Variants in PML observed in about 807,000 individuals in gnomAD.
PML encodes PML nuclear body scaffold.
In PML, 28 loss-of-function variants were observed where a neutral mutation model predicts 65.2. The ratio of observed to expected loss-of-function variants is 0.43; its 90% confidence interval spans 0.32 to 0.59. The LOEUF is 0.59. Ranked by LOEUF, PML falls within the 20% of genes least tolerant of loss-of-function variation. The pLI, the probability that PML is intolerant of heterozygous loss-of-function variation, is 0.08. For synonymous variants in PML, 500 were observed against 508.8 expected, an observed-to-expected ratio of 0.98 and a Z score of 0.23; for missense variants, 1,021 against 1,203.4, an observed-to-expected ratio of 0.85 and a Z score of 2.24.
rs2070915834 is a variant in PML, at chr15:74,023,109, G to C, written c.884G>C (p.Arg295Pro). The change falls in exon 3 of 9, where the codon CGC becomes CCC. Residue 295 changes from arginine (R) to proline (P), a missense_variant. Transcript: ENST00000268058. ...GTAGCTCACGTGCGGGCTCAGGAGC[G>C]CGAGCTGCTGGAGGCTGTGGACGCG... ...QVVAHVRAQERELLEAVDARY... is the reference protein window; with the variant it reads ...QVVAHVRAQEPELLEAVDARY... The C allele has an allele frequency of 6.2e-7, 1 of 1,603,410 alleles. No homozygotes were observed. The highest frequency in any genetic ancestry group is 1.7e-5 in the Admixed American group (1 of 59,910).
In PML at chr15:74,033,404, C is replaced by T. The variant is rs748216241; in HGVS notation, c.1647C>T (p.Ala549=). The T allele has an allele frequency of 1.1e-5, 17 of 1,612,112 alleles. No individual in the cohort carries two copies. Among genetic ancestry groups the T allele is most frequent in the African/African-American group, 2.7e-5 (2 of 74,916 alleles). Reference sequence around the variant, plus strand: ...ACAGCAACCACGTGGCCAGTGGCGCCGGGGAGGCAGGTAGGGAGGTGGGTA... The same window carrying T: ...ACAGCAACCACGTGGCCAGTGGCGCTGGGGAGGCAGGTAGGGAGGTGGGTA... The part of the protein sequence containing the change: ...LPNSNHVASG[A]GEAEERVVVI... The change falls in exon 6 of 9, where the codon GCC becomes GCT. Residue 549 remains alanine, a synonymous_variant. Transcript: ENST00000268058.
chr15:74,022,766 G>A, intron 2 of PML, 62 bp from the exon 3 acceptor site: 2 of 1,316,748 alleles, frequency 1.5e-6, no homozygotes, highest in Non-Finnish European at 2.2e-6. Flanking sequence ...ATTTAATAAC[G>A]AACGTTTTAA....
At position 74,036,471 on chromosome 15, in the gene PML, C is replaced by G. The variant is rs191723748; in HGVS notation, c.1710+1941C>G. On this transcript the variant is annotated intron_variant, in intron 7 of 8. Coordinates refer to ENST00000268058, the MANE Select transcript of PML (RefSeq NM_033238.3). ...CCTCCCTGCAGGCTGTTCTCTCTTC[C>G]CTATGCTGGAACTCAGTTCTCCTCT... The G allele has an allele frequency of 1.2e-3, 1,529 of 1,240,932 alleles. 1 individual carries two copies. Among genetic ancestry groups the G allele is most frequent in the South Asian group, 1.7e-3 (100 of 57,644 alleles). The allele number at this position is 1,240,932 out of a possible 1,614,324, so 76.9% of individuals were successfully genotyped here.
At chr15:74,008,158 A>C (rs962700692) in intron 2 of PML, among the ~76,000 whole-genome samples, 1 of 152,140 alleles carries the variant, frequency 6.6e-6, no homozygotes, top group Non-Finnish European at 1.5e-5. Flanking sequence ...AGGAAATAGA[A>C]AGGCCACAGA....
At chr15:73,998,521 G>C (rs1731427863) in intron 2 of PML, 45 bp downstream of exon 2, 1 of 1,521,834 alleles carries the variant, frequency 6.6e-7, no homozygotes, top group Non-Finnish European at 9.1e-7. Flanking sequence ...CAAGTACCAG[G>C]TAGAGGGCGA....
At position 74,042,771 on chromosome 15, in the gene PML, A is replaced by C; in HGVS notation, c.1711-218A>C. On this transcript the variant is annotated intron_variant, in intron 7 of 8. Coordinates refer to ENST00000268058, the MANE Select transcript of PML (RefSeq NM_033238.3). The surrounding 1 kb of genome is among the most constrained non-coding windows in gnomAD (Gnocchi z 5.3). Reference sequence around the variant, plus strand: ...CTTCCTCCCCTACTCATGAGGGTGTATGCCCTGGTTCATACATGTAACCCT... The same window carrying C: ...CTTCCTCCCCTACTCATGAGGGTGTCTGCCCTGGTTCATACATGTAACCCT... The C allele has an allele frequency of 1.0e-6, 1 of 985,280 alleles. No homozygotes were observed. The allele number at this position is 985,280 out of a possible 1,614,324, so 61.0% of individuals were successfully genotyped here.
intron 1 of PML, among the ~76,000 whole-genome samples, chr15:73,996,548 A>G (rs573869043): frequency 6.6e-6 from 1 of 152,358 alleles, no homozygotes; most frequent in Middle Eastern, 3.4e-3. Context: ...AAGTTCTTAG[A>G]TAATAAAAGT....
At chr15:74,022,038 G>A (rs4886846) in intron 2 of PML, among the ~76,000 whole-genome samples, 83,427 of 151,998 alleles carry the variant, frequency 0.55, 23,151 homozygotes, top group East Asian at 0.63. Flanking sequence ...GCTCACCGCA[G>A]CCTCCGCCTC....
chr15:74,008,738 CAAAA>C (rs550873482), intron 2 of PML, among the ~76,000 whole-genome samples: 1 of 64,004 alleles, frequency 1.6e-5, no homozygotes. Flanking sequence ...GACTGTGTCT[CAAAA>C]AAAAAAAAAA....
chr15:74,039,745 C>T (rs141124486), intron 7 of PML, among the ~76,000 whole-genome samples: 5 of 152,246 alleles, frequency 3.3e-5, no homozygotes, highest in Non-Finnish European at 7.4e-5. Context: ...ACCACTGAAT[C>T]GGGGGATTCA....
chr15:74,036,656 C>T (rs116479158), intron 7 of PML, among the ~76,000 whole-genome samples: 85 of 152,266 alleles, frequency 5.6e-4, no homozygotes, highest in African/African-American at 2.0e-3. Flanking sequence ...CAGCTCATCC[C>T]AGACACCCAC....
intron 4 of PML, chr15:74,025,138 A>T (rs189021195): frequency 7.5e-5 from 43 of 574,408 alleles, no homozygotes; most frequent in South Asian, 1.6e-4. Flanking sequence ...CTAAATGCCA[A>T]AGTTGCTCTT....
At chr15:74,018,056 C>T (rs1234105411) in intron 2 of PML, among the ~76,000 whole-genome samples, 1 of 152,068 alleles carries the variant, frequency 6.6e-6, no homozygotes, top group Non-Finnish European at 1.5e-5. Context: ...TGGTGGCTCA[C>T]GCCTGTAATC....
chr15:74,031,549 T>G lies in PML; in HGVS notation c.1255-1023T>G, dbSNP rs115874943. 8.7e-3 allele frequency among the ~76,000 whole-genome samples: 1,324 copies of G among 152,368 alleles called. 12 individuals carry two copies. Among genetic ancestry groups the G allele is most frequent in the African/African-American group, 0.031 (1,274 of 41,586 alleles). On this transcript the variant is annotated intron_variant, in intron 4 of 8. Coordinates refer to ENST00000268058, the MANE Select transcript of PML (RefSeq NM_033238.3). ...TCCATCACGTGGCTATACCACATTTTGTTTATTCAGTCATCAGTTGATGCA... is the reference window on the plus strand; with the variant it reads ...TCCATCACGTGGCTATACCACATTTGGTTTATTCAGTCATCAGTTGATGCA...
At position 74,010,389 on chromosome 15, in the gene PML, C is replaced by T. The variant is rs143938655; in HGVS notation, c.602+11913C>T. On this transcript the variant is annotated intron_variant, in intron 2 of 8. Transcript: ENST00000268058. The stretch of plus-strand genomic sequence containing the variant: ...AACAAGCTTTTGGCATAGTGGTGCA[C>T]GCCTGTAGTCCCAGCTACTAGGGAG... 2.7e-3 allele frequency among the ~76,000 whole-genome samples: 408 copies of T among 150,924 alleles called. 4 individuals carry two copies. Among genetic ancestry groups the T allele is most frequent in the East Asian group, 0.024 (124 of 5,090 alleles).
chr15:74,023,900 G>T (rs1182582165), intron 3 of PML, among the ~76,000 whole-genome samples: 1 of 152,174 alleles, frequency 6.6e-6, no homozygotes, highest in Admixed American at 6.5e-5. Context: ...TTGTCTGCAG[G>T]ATGACCTGCT....
rs374669015 is a variant in PML at position 74,035,224 on chromosome 15, C to T, written c.1710+694C>T. ...CCACAGTCCTCGCCAGCCCACTCCTCGCCAGCCCACTCCTCGCCAGCCCAC... is the reference window on the plus strand; with the variant it reads ...CCACAGTCCTCGCCAGCCCACTCCTTGCCAGCCCACTCCTCGCCAGCCCAC... On this transcript the variant is annotated intron_variant, in intron 7 of 8. Coordinates refer to ENST00000268058, the MANE Select transcript of PML (RefSeq NM_033238.3). The surrounding 1 kb of genome is among the most constrained non-coding windows in gnomAD (Gnocchi z 4.1). The T allele has an allele frequency of 9.5e-6, 15 of 1,571,528 alleles. No homozygotes were observed. In the East Asian group the frequency reaches 2.5e-4, roughly 26 times the overall value.
At position 74,041,978 on chromosome 15, in the gene PML, C is replaced by T. The variant is rs1211305705; in HGVS notation, c.1711-1011C>T. On this transcript the variant is annotated intron_variant, in intron 7 of 8. Transcript: ENST00000268058. Reference sequence around the variant, plus strand: ...CTCTTCCTTGCTGGTCTCTGGCTAACGTCCACAGGTGGCATTCATGGGAGG... The same window carrying T: ...CTCTTCCTTGCTGGTCTCTGGCTAATGTCCACAGGTGGCATTCATGGGAGG... Among the ~76,000 whole-genome samples the T allele has an allele frequency of 3.3e-5, 5 of 152,350 alleles. No individual in the cohort carries two copies. The South Asian group carries it at 6.2e-4, about 19-fold the overall frequency.
rs553783632 is a variant in PML at position 74,033,132 on chromosome 15, G to A, written c.1399-24G>A. 3 of 1,613,678 alleles carry A rather than the reference G, an allele frequency of 1.9e-6. No homozygotes were observed. In the East Asian group the frequency reaches 6.7e-5, roughly 36 times the overall value. On this transcript the variant is annotated intron_variant, in intron 5 of 8. Coordinates refer to ENST00000268058, the MANE Select transcript of PML (RefSeq NM_033238.3). ...ACTCACCCCTGCAGGCACCTGACCTGGCTCTGTGACTCCCTCTATGCAGGA... is the reference window on the plus strand; with the variant it reads ...ACTCACCCCTGCAGGCACCTGACCTAGCTCTGTGACTCCCTCTATGCAGGA...
Sources: gnomAD v4.1 joint callset for allele counts (sites outside exome capture counted in the v4.1 genomes callset) on GRCh38, gnomAD v4.1.1 for gene constraint, Gnocchi (gnomAD v3.1) non-coding constraint, MANE v1.5 for transcripts, NCBI Gene and HGNC (gene_info 2026-07-23, HGNC 2026-07-21) for gene names.